Variants in PUM2 observed in about 807,000 individuals in gnomAD.
PUM2 encodes pumilio homolog 2.
A neutral mutation model predicts 124.5 loss-of-function variants in PUM2; 57 were observed. The ratio of observed to expected loss-of-function variants is 0.46; its 90% CI spans 0.37 to 0.57. The LOEUF (loss-of-function observed/expected upper bound fraction) is 0.57. PUM2 is among the 20% of genes least tolerant of loss of function. The pLI is 0.00. For synonymous variants in PUM2, 460 were observed against 446.1 expected (o/e 1.03, Z -0.39); for missense variants, 1,065 against 1,290.6 (o/e 0.83, Z 2.68).
At chr2:20,294,912 C>G (rs1675155223) in intron 8 of PUM2, among the ~76,000 whole-genome samples, 1 of 152,160 alleles carries the variant, frequency 6.6e-6, no homozygotes, top group African/African-American at 2.4e-5. Flanking sequence ...TTACAAGATA[C>G]TTTTAAAATA....
At chr2:20,272,684 T>C (rs1203750260) in intron 13 of PUM2, among the ~76,000 whole-genome samples, 1 of 152,250 alleles carries the variant, frequency 6.6e-6, no homozygotes, top group African/African-American at 2.4e-5. Flanking sequence ...CATCAGCTTA[T>C]CAATTTCTTT....
At chr2:20,291,414 C>T (rs575682766) in intron 9 of PUM2, among the ~76,000 whole-genome samples, 1 of 152,316 alleles carries the variant, frequency 6.6e-6, no homozygotes. Context: ...ACCCACATAT[C>T]CTCCTCGCTC....
chr2:20,288,906 T>C (rs1673347085), intron 10 of PUM2, among the ~76,000 whole-genome samples: 1 of 152,194 alleles, frequency 6.6e-6, no homozygotes, highest in South Asian at 2.1e-4. Context: ...ATACAAATCC[T>C]AGTAAGGCCC....
At chr2:20,306,693 C>A (rs1430957115) in intron 7 of PUM2, among the ~76,000 whole-genome samples, 1 of 150,798 alleles carries the variant, frequency 6.6e-6, no homozygotes. Flanking sequence ...ACTGCAGCCT[C>A]CGTCTCCCAG....
At chr2:20,314,134 C>T (rs1572877934) in intron 3 of PUM2, among the ~76,000 whole-genome samples, 1 of 152,030 alleles carries the variant, frequency 6.6e-6, no homozygotes. Flanking sequence ...TGACATGAGA[C>T]CCTGCTCCCC....
At chr2:20,350,954 G>T, upstream of PUM2, 1 of 213,292 alleles carries the variant, frequency 4.7e-6, no homozygotes, top group Non-Finnish European at 8.0e-6. Flanking sequence ...CCGCGCTGCC[G>T]CCGCGCGGGC....
chr2:20,283,290 A>G, intron 11 of PUM2, 53 bp downstream of exon 11: 1 of 1,606,536 alleles, frequency 6.2e-7, no homozygotes, highest in Non-Finnish European at 8.5e-7. Flanking sequence ...TATTTTAAAA[A>G]TGGTATCTCA....
rs528301300 is a variant in PUM2 at position 20,303,271 on chromosome 2, C to T, written c.883+4707G>A. Among the ~76,000 whole-genome samples the T allele has an allele frequency of 1.4e-4, 21 of 150,366 alleles. 3 individuals carry two copies. The highest frequency in any genetic ancestry group is 5.1e-4 in the African/African-American group (21 of 40,952). Reference sequence around the variant, plus strand: ...TATGGTTGAGCAAGTCCTCCTCCTCCGCTTTAATTTTAGTTTTCCATTAAT... The same window carrying T: ...TATGGTTGAGCAAGTCCTCCTCCTCTGCTTTAATTTTAGTTTTCCATTAAT... On this transcript the variant is annotated intron_variant, in intron 7 of 20. Coordinates refer to ENST00000361078, the MANE Select transcript of PUM2 (RefSeq NM_015317.5).
At chr2:20,279,294 C>T (rs1670959392) in intron 12 of PUM2, among the ~76,000 whole-genome samples, 1 of 152,120 alleles carries the variant, frequency 6.6e-6, no homozygotes, top group South Asian at 2.1e-4. Context: ...TTTAATTTGT[C>T]ATCTAGCTGT....
intron 16 of PUM2, among the ~76,000 whole-genome samples, chr2:20,256,608 C>CA (rs1664822359): frequency 6.6e-6 from 1 of 152,090 alleles, no homozygotes; most frequent in Admixed American, 6.6e-5. Flanking sequence ...TTTTTAATGG[C>CA]TGAGTGAGTT....
chr2:20,304,694 T>A (rs932157397), intron 7 of PUM2, among the ~76,000 whole-genome samples: 7 of 152,222 alleles, frequency 4.6e-5, no homozygotes, highest in African/African-American at 1.4e-4. Context: ...TCACTGTGCA[T>A]TTAAAATGTG....
intron 1 of PUM2, among the ~76,000 whole-genome samples, chr2:20,336,745 G>A (rs1686147550): frequency 8.5e-6 from 1 of 118,220 alleles, no homozygotes; most frequent in Non-Finnish European, 1.7e-5. Context: ...TGCCCAGGCT[G>A]ATCTGTGTGT....
At chr2:20,350,526 G>A (rs1490311912) in intron 1 of PUM2, 71 bp downstream of exon 1, 4 of 985,506 alleles carry the variant, frequency 4.1e-6, no homozygotes, top group Non-Finnish European at 4.8e-6. Context: ...CGAGGCCGCC[G>A]CACAAAGCCT....
rs778481588 is a variant in PUM2 at position 20,290,633 on chromosome 2, C to A, written c.1291+19G>T. ...CATCTGAAATCTATTCAAATTTCCA[C>A]AAATGACCAATTGTATACCTGGCAT... On this transcript the variant is annotated intron_variant, in intron 10 of 20. Transcript: ENST00000361078. 2 of 1,590,022 alleles carry A rather than the reference C, an allele frequency of 1.3e-6. No homozygotes were observed. The highest frequency in any genetic ancestry group is 1.4e-5 in the African/African-American group (1 of 74,022).
intron 7 of PUM2, among the ~76,000 whole-genome samples, chr2:20,302,767 A>C (rs557410107): frequency 6.6e-6 from 1 of 152,356 alleles, no homozygotes; most frequent in East Asian, 1.9e-4. Flanking sequence ...GGCAGATATG[A>C]AAAGAAAGAA....
intron 1 of PUM2, among the ~76,000 whole-genome samples, chr2:20,329,864 A>G (rs1469382731): frequency 6.6e-6 from 1 of 152,182 alleles, no homozygotes; most frequent in Non-Finnish European, 1.5e-5. Context: ...AAAAAGTGTA[A>G]CTTACATGTA....
chr2:20,308,093 A>G, intron 6 of PUM2, 22 bp from the exon 7 acceptor site: 1 of 1,591,346 alleles, frequency 6.3e-7, no homozygotes, highest in Middle Eastern at 1.7e-4. Flanking sequence ...AATATTTAAC[A>G]CAAAGATTAG....
At chr2:20,327,260 T>C (rs377131605) in intron 2 of PUM2, 50 bp downstream of exon 2, 93 of 1,289,246 alleles carry the variant, frequency 7.2e-5, no homozygotes, top group Non-Finnish European at 9.5e-5. Context: ...TAAGTTACAA[T>C]GGCTCAAAAT....
intron 10 of PUM2, among the ~76,000 whole-genome samples, chr2:20,287,561 G>C (rs2148961293): frequency 6.6e-6 from 1 of 152,280 alleles, no homozygotes; most frequent in Non-Finnish European, 1.5e-5. Context: ...GGTATGTTTG[G>C]GTAACAGTAT....
Sources: gnomAD v4.1 joint callset for allele counts (sites outside exome capture counted in the v4.1 genomes callset) on GRCh38, gnomAD v4.1.1 for gene constraint, MANE v1.5 for transcripts, NCBI Gene and HGNC (gene_info 2026-07-23, HGNC 2026-07-21) for gene names.